DGKD: variants seen among roughly 807,000 people sequenced by gnomAD.
DGKD encodes DAG kinase delta.
Under a neutral mutation model 154.4 loss-of-function variants are expected in DGKD, and 68 were observed. The observed-to-expected ratio is 0.44, with a 90% confidence interval of 0.36 to 0.54. The LOEUF is 0.54. DGKD is among the 20% of genes least tolerant of loss of function. DGKD has a pLI of 0.00. For synonymous variants in DGKD, 693 were observed against 638.0 expected (o/e 1.09, Z -1.30); for missense variants, 1,343 against 1,593.6 (o/e 0.84, Z 2.68).
chr2:233,451,036 A>G lies in DGKD; in HGVS notation c.2153A>G (p.Lys718Arg). The G allele has an allele frequency of 6.2e-7, 1 of 1,611,114 alleles. No individual in the cohort carries two copies. The highest frequency in any genetic ancestry group is 1.7e-5 in the Admixed American group (1 of 59,978). ...SRDGLPALNT[K>R]ILYPNVRAGM... The stretch of plus-strand genomic sequence containing the variant: ...GACGGCCTGCCTGCGCTCAACACCA[A>G]GATCCTGTACCCAAGTGAGTGGCGG... The change falls in exon 17 of 30, where the codon AAG (lysine) becomes AGG (arginine). Residue 718 changes from lysine (K) to arginine (R), a missense_variant. Transcript: ENST00000264057.
intron 1 of DGKD, among the ~76,000 whole-genome samples, chr2:233,375,751 A>G (rs531457028): frequency 6.6e-6 from 1 of 152,228 alleles, no homozygotes; most frequent in South Asian, 2.1e-4. Flanking sequence ...GGAAATTTCC[A>G]AGCAGACACG....
chr2:233,394,542 T>C (rs1703866690), intron 3 of DGKD, among the ~76,000 whole-genome samples: 1 of 152,100 alleles, frequency 6.6e-6, no homozygotes, highest in Admixed American at 6.6e-5. Context: ...TCGCAATGAG[T>C]AGTTTGTGTC....
chr2:233,457,259 A>C lies in DGKD; in HGVS notation c.2511A>C (p.Gly837=), dbSNP rs1271175379. Residue 837 remains glycine, a synonymous_variant, in exon 21 of 30, where the codon GGA becomes GGC. Transcript: ENST00000264057. The surrounding 1 kb of genome is among the most constrained non-coding windows in gnomAD (Gnocchi z 5.5). ...CCATCCCACTCCCCAGTCTTCAGGG[A>C]ATTGCTGTCCTTAACATTCCCAGCT... ...GRPIPLPSLQ[G]IAVLNIPSYA... 2.0e-6 allele frequency: 3 copies of C among 1,523,778 alleles called. No homozygotes were observed. In the African/African-American group the frequency reaches 4.2e-5, roughly 21 times the overall value. The allele number at this position is 1,523,778 out of a possible 1,614,324, so 94.4% of individuals were successfully genotyped here. A position where few individuals can be genotyped will look rare whatever the true frequency, so the allele number is the denominator to read the frequency against.
At chr2:233,366,349 G>A (rs1350066420) in intron 1 of DGKD, among the ~76,000 whole-genome samples, 1 of 152,144 alleles carries the variant, frequency 6.6e-6, no homozygotes, top group Non-Finnish European at 1.5e-5. Context: ...GGCCTGTGCT[G>A]TGGCTGTGGC....
chr2:233,447,388 T>C (rs1340790495), intron 12 of DGKD: 6 of 760,632 alleles, frequency 7.9e-6, no homozygotes, highest in Non-Finnish European at 9.6e-6. Context: ...GGTGGGGTAG[T>C]ACAAAGAGGT....
rs745628828 is a variant in DGKD at position 233,436,454 on chromosome 2, C to A, written c.819+13C>A. ...GTGCAAGGCCATGGTGAGTGTGGGCCCTGCGCCCGGGCTGGAGGGGAGGGC... is the reference window on the plus strand; with the variant it reads ...GTGCAAGGCCATGGTGAGTGTGGGCACTGCGCCCGGGCTGGAGGGGAGGGC... On this transcript the variant is annotated intron_variant, in intron 7 of 29. Transcript: ENST00000264057. 33 of 1,608,866 alleles carry A rather than the reference C, an allele frequency of 2.1e-5. No individual in the cohort carries two copies. The highest frequency in any genetic ancestry group is 3.3e-5 in the Admixed American group (2 of 59,934).
intron 3 of DGKD, among the ~76,000 whole-genome samples, chr2:233,398,909 C>T (rs1290774155): frequency 6.6e-6 from 1 of 152,230 alleles, no homozygotes; most frequent in East Asian, 1.9e-4. Flanking sequence ...CAGGTGTGAG[C>T]CACCATGCCC....
In DGKD at chr2:233,458,900, A is replaced by G. The variant is rs117321950; in HGVS notation, c.2694+503A>G. On this transcript the variant is annotated intron_variant, in intron 22 of 29. Coordinates refer to ENST00000264057, the MANE Select transcript of DGKD (RefSeq NM_152879.3). This position sits in a 1 kb window ranked among gnomAD's most constrained non-coding sequence, Gnocchi z 6.6. ...TGAGCCACTGCACCCGGCCAAGATA[A>G]CTCTTTCAAAATGTGTATCCTGCTT... Among the ~76,000 whole-genome samples, 1,672 of 151,808 alleles carry G rather than the reference A, an allele frequency of 0.011. 110 individuals carry two copies. Among genetic ancestry groups the G allele is most frequent in the Admixed American group, 0.082 (1,259 of 15,262 alleles).
intron 2 of DGKD, chr2:233,388,915 T>C (rs1222073647): frequency 1.3e-5 from 2 of 152,146 alleles, no homozygotes; most frequent in Admixed American, 1.3e-4. Flanking sequence ...CTGGCTAAAA[T>C]TTTTATATTT....
chr2:233,399,420 C>T (rs983038104), intron 3 of DGKD, among the ~76,000 whole-genome samples: 2 of 152,224 alleles, frequency 1.3e-5, no homozygotes, highest in African/African-American at 4.8e-5. Context: ...TCAGGTCTTC[C>T]TTCCTGCAGG....
At chr2:233,412,130 A>G (rs1328117086) in intron 3 of DGKD, among the ~76,000 whole-genome samples, 3 of 152,170 alleles carry the variant, frequency 2.0e-5, no homozygotes, top group East Asian at 1.9e-4. Context: ...TAGTTTGTCA[A>G]TTTCTATAAG....
chr2:233,457,265 T>C lies in DGKD; in HGVS notation c.2517T>C (p.Ala839=), dbSNP rs746569551. 6.6e-7 allele frequency: 1 copy of C among 1,525,210 alleles called. No homozygotes were observed. The highest frequency in any genetic ancestry group is 2.3e-5 in the East Asian group (1 of 44,112). 94.5% of individuals were successfully genotyped at this position (1,525,210 alleles called of 1,614,324 possible). ...CACTCCCCAGTCTTCAGGGAATTGC[T>C]GTCCTTAACATTCCCAGCTATGCCG... ...PIPLPSLQGI[A]VLNIPSYAGG... Residue 839 remains alanine, a synonymous_variant, in exon 21 of 30, where the codon GCT becomes GCC. Coordinates refer to ENST00000264057, the MANE Select transcript of DGKD (RefSeq NM_152879.3). The surrounding 1 kb of genome is among the most constrained non-coding windows in gnomAD (Gnocchi z 5.5).
chr2:233,471,914 A>G lies in DGKD; in HGVS notation c.*2454A>G, dbSNP rs1267190866. Reference sequence around the variant, plus strand: ...AGAGAGGCAGGAAGGATCCCTGAAGAGTCTTGGAGAAAAGGTTCTGTGCCC... The same window carrying G: ...AGAGAGGCAGGAAGGATCCCTGAAGGGTCTTGGAGAAAAGGTTCTGTGCCC... On this transcript the variant is annotated 3_prime_UTR_variant, in exon 30 of 30. Coordinates refer to ENST00000264057, the MANE Select transcript of DGKD (RefSeq NM_152879.3). 1 of 152,242 alleles carries G rather than the reference A, an allele frequency of 6.6e-6. No individual in the cohort carries two copies. Among genetic ancestry groups the G allele is most frequent in the African/African-American group, 2.4e-5 (1 of 41,404 alleles). The allele number at this position is 152,242 out of a possible 1,614,324, so 9.4% of individuals were successfully genotyped here. A position where few individuals can be genotyped will look rare whatever the true frequency, so the allele number is the denominator to read the frequency against.
chr2:233,451,858 T>A (rs1016629525), intron 17 of DGKD, 106 bp from the exon 18 acceptor site: 1 of 921,096 alleles, frequency 1.1e-6, no homozygotes, highest in Non-Finnish European at 1.7e-6. Flanking sequence ...CATTTAATTA[T>A]AATAACGTTC....
In DGKD at chr2:233,469,296, G is replaced by A. The variant is rs115625041; in HGVS notation, c.3556-75G>A. ...CACAAGCCGAATGGGAAGGGCCGTT[G>A]TGGCAGGCCTGCTGTGGAGCCCTCT... On this transcript the variant is annotated intron_variant, in intron 29 of 29. Coordinates refer to ENST00000264057, the MANE Select transcript of DGKD (RefSeq NM_152879.3). 1.3e-3 allele frequency: 1,690 copies of A among 1,320,306 alleles called. 15 individuals are homozygous for A. In the African/African-American group the frequency reaches 0.02, roughly 16 times the overall value. The allele number at this position is 1,320,306 out of a possible 1,614,324, so 81.8% of individuals were successfully genotyped here.
chr2:233,448,488 G>T, intron 14 of DGKD, 113 bp downstream of exon 14: 3 of 905,458 alleles, frequency 3.3e-6, no homozygotes, highest in Non-Finnish European at 5.1e-6. Flanking sequence ...TTTGAACAAA[G>T]AATTAGACAA....
At chr2:233,468,354 G>GCCAGCTGCTGCCTA in intron 28 of DGKD, 69 bp from the exon 29 acceptor site, 1 of 1,581,690 alleles carries the variant, frequency 6.3e-7, no homozygotes, top group African/African-American at 1.4e-5. Context: ...GGTGCTGGGT[G>GCCAGCTGCTGCCTA]CCAGCTGCTG....
intron 3 of DGKD, among the ~76,000 whole-genome samples, chr2:233,422,961 T>G (rs2062168140): frequency 1.3e-5 from 2 of 152,336 alleles, no homozygotes; most frequent in South Asian, 4.1e-4. Context: ...TCATCTGGTC[T>G]CCATTTCTAT....
At position 233,448,263 on chromosome 2, in the gene DGKD, T is replaced by C; in HGVS notation, c.1515-13T>C. ...GCCTCTCTAGAAGGGTCTTTCTGTTTTTCTCCCCACAGAGTGCTCTGTGAG... is the reference window on the plus strand; with the variant it reads ...GCCTCTCTAGAAGGGTCTTTCTGTTCTTCTCCCCACAGAGTGCTCTGTGAG... On this transcript the variant is annotated splice_polypyrimidine_tract_variant and intron_variant, in intron 13 of 29. Transcript: ENST00000264057. 1 of 1,614,024 alleles carries C rather than the reference T, an allele frequency of 6.2e-7. No individual in the cohort carries two copies.
Sources: gnomAD v4.1 joint callset for allele counts (sites outside exome capture counted in the v4.1 genomes callset) on GRCh38, gnomAD v4.1.1 for gene constraint, Gnocchi (gnomAD v3.1) non-coding constraint, MANE v1.5 for transcripts, NCBI Gene and HGNC (gene_info 2026-07-23, HGNC 2026-07-21) for gene names.